Variants in LIMA1 observed in about 807,000 individuals in gnomAD.
LIMA1 encodes the protein LIM domain and actin binding 1.
In LIMA1, 52 loss-of-function variants were observed where a neutral mutation model predicts 62.6. That is an observed-to-expected ratio of 0.83 (90% CI 0.67 to 1.05). The LOEUF is 1.05. Ranked by LOEUF, LIMA1 falls within the 50% of genes least tolerant of loss-of-function variation. The pLI is 0.00. For synonymous variants in LIMA1, 302 were observed against 317.8 expected, an observed-to-expected ratio of 0.95 and a Z score of 0.53; for missense variants, 780 against 902.2, an observed-to-expected ratio of 0.86 and a Z score of 1.74.
rs754126420 is a variant in LIMA1 at position 50,250,563 on chromosome 12, C to CAAA, written c.-23-1792_-23-1790dup. ...CCTGGGTGACAGACCAAGATGTTCT[C>CAAA]AAAAAAAAAAAAAAAAAAAAAAAAA... is the stretch of plus-strand genomic sequence containing the variant. On this transcript the variant is annotated intron_variant, in intron 1 of 10. Coordinates refer to ENST00000341247, the MANE Select transcript of LIMA1 (RefSeq NM_016357.5). Among the ~76,000 whole-genome samples, 109 of 33,830 alleles carry CAAA rather than the reference C, an allele frequency of 3.2e-3. 4 individuals are homozygous for CAAA. Among genetic ancestry groups the CAAA allele is most frequent in the African/African-American group, 7.0e-3 (83 of 11,874 alleles). 22.2% of individuals were successfully genotyped at this position (33,830 alleles called of 152,430 possible). A position where few individuals can be genotyped will look rare whatever the true frequency, so the allele number is the denominator to read the frequency against.
chr12:50,247,029 A>C (rs1332810867), intron 2 of LIMA1, among the ~76,000 whole-genome samples: 1 of 152,162 alleles, frequency 6.6e-6, no homozygotes, highest in Non-Finnish European at 1.5e-5. Flanking sequence ...CCAGCTACTC[A>C]GAAGGCTGAG....
intron 4 of LIMA1, among the ~76,000 whole-genome samples, chr12:50,210,425 A>G (rs1219632748): frequency 1.3e-5 from 2 of 151,504 alleles, no homozygotes; most frequent in African/African-American, 4.9e-5. Context: ...TTCCAAAAAA[A>G]AAAAAAAAAA....
intron 2 of LIMA1, among the ~76,000 whole-genome samples, chr12:50,240,012 A>ATAACC (rs1308698341): frequency 2.2e-5 from 3 of 138,734 alleles, no homozygotes; most frequent in African/African-American, 5.5e-5. Flanking sequence ...ATAACATAAC[A>ATAACC]TAACATAACA....
intron 9 of LIMA1, among the ~76,000 whole-genome samples, chr12:50,190,604 T>C (rs1940739412): frequency 7.0e-6 from 1 of 143,700 alleles, no homozygotes; most frequent in Admixed American, 7.1e-5. Context: ...GGTCTTGAAC[T>C]CCCGACCTCA....
At chr12:50,256,215 C>CTTTTT (rs758813343) in intron 1 of LIMA1, 1 of 149,092 alleles carries the variant, frequency 6.7e-6, no homozygotes, top group Non-Finnish European at 1.5e-5. Flanking sequence ...GTTCTTTAAC[C>CTTTTT]TTTTTTTTTT....
chr12:50,280,153 T>G (rs1942322449), intron 1 of LIMA1, among the ~76,000 whole-genome samples: 1 of 126,040 alleles, frequency 7.9e-6, no homozygotes, highest in African/African-American at 3.3e-5. Flanking sequence ...TATTTTTTTT[T>G]TTTTTTTTTT....
intron 4 of LIMA1, among the ~76,000 whole-genome samples, chr12:50,207,828 T>G (rs1377476873): frequency 4.7e-5 from 7 of 149,066 alleles, no homozygotes; most frequent in Admixed American, 4.1e-4. Context: ...GGGCAGAGGT[T>G]GCAGGGAGCA....
intron 1 of LIMA1, among the ~76,000 whole-genome samples, chr12:50,275,455 A>T (rs1336780855): frequency 6.6e-6 from 1 of 152,214 alleles, no homozygotes; most frequent in Non-Finnish European, 1.5e-5. Flanking sequence ...CATACCTAAA[A>T]GGCTTGTAAT....
Position 50,192,537 on chromosome 12 carries a change from A to C in LIMA1, c.1055T>G (p.Val352Gly), listed in dbSNP as rs747343015. ...DSRDSQVKSE[V>G]QQPVHPKPLS... Reference sequence around the variant, plus strand: ...TGGCTTGGGATGGACAGGCTGTTGAACCTCACTCTTAACCTGGGAGTCACC... The same window carrying C: ...TGGCTTGGGATGGACAGGCTGTTGACCCTCACTCTTAACCTGGGAGTCACC... Residue 352 changes from valine (V) to glycine (G), a missense_variant, in exon 9 of 11, where the codon GTT becomes GGT. Coordinates refer to ENST00000341247, the MANE Select transcript of LIMA1 (RefSeq NM_016357.5). 1.2e-6 allele frequency: 2 copies of C among 1,613,764 alleles called. No homozygotes were observed. The highest frequency in any genetic ancestry group is 1.7e-5 in the Admixed American group (1 of 59,990).
intron 3 of LIMA1, among the ~76,000 whole-genome samples, chr12:50,225,341 A>C (rs1055976364): frequency 6.6e-6 from 1 of 152,160 alleles, no homozygotes; most frequent in African/African-American, 2.4e-5. Flanking sequence ...AGATGCTGTA[A>C]TACATGCCAT....
At chr12:50,204,485 C>G in intron 6 of LIMA1, 67 bp downstream of exon 6, 1 of 1,531,586 alleles carries the variant, frequency 6.5e-7, no homozygotes, top group Middle Eastern at 1.7e-4. Flanking sequence ...TTTCCTAATT[C>G]CAGTACTCAG....
chr12:50,230,416 G>T (rs1346110491), intron 3 of LIMA1, among the ~76,000 whole-genome samples: 1 of 152,144 alleles, frequency 6.6e-6, no homozygotes, highest in Non-Finnish European at 1.5e-5. Flanking sequence ...TCTGTGCTTG[G>T]CATGTAGTAG....
intron 1 of LIMA1, chr12:50,249,559 C>T (rs1445825922): frequency 6.6e-6 from 1 of 152,074 alleles, no homozygotes; most frequent in Non-Finnish European, 1.5e-5. Context: ...ACCCTATTTT[C>T]CAACATCCCT....
intron 4 of LIMA1, among the ~76,000 whole-genome samples, chr12:50,209,012 G>A (rs1447867469): frequency 1.5e-5 from 2 of 129,470 alleles, no homozygotes; most frequent in Non-Finnish European, 3.2e-5. Context: ...TTTTTTTACA[G>A]TAGAGACAGG....
chr12:50,207,844 C>T (rs1334242410), intron 4 of LIMA1, among the ~76,000 whole-genome samples: 2 of 149,770 alleles, frequency 1.3e-5, no homozygotes, highest in Admixed American at 6.7e-5. Flanking sequence ...GAGCAGAGAT[C>T]GCTCCACTGC....
intron 6 of LIMA1, among the ~76,000 whole-genome samples, chr12:50,203,009 T>TTA (rs1941082799): frequency 1.8e-5 from 1 of 56,816 alleles, no homozygotes; most frequent in African/African-American, 9.9e-5. Flanking sequence ...GGTAACTTCC[T>TTA]TTTTTTTTTT....
rs138113031 is a variant in LIMA1, at chr12:50,203,159, G to A, written c.864+1393C>T. On this transcript the variant is annotated intron_variant, in intron 6 of 10. Coordinates refer to ENST00000341247, the MANE Select transcript of LIMA1 (RefSeq NM_016357.5). ...CTAGTAGCTGGGATTACAGGTGTGTGCCACTACACCTGGCTAATTTTTTTT... is the reference window on the plus strand; with the variant it reads ...CTAGTAGCTGGGATTACAGGTGTGTACCACTACACCTGGCTAATTTTTTTT... Among the ~76,000 whole-genome samples, 265 of 151,390 alleles carry A rather than the reference G, an allele frequency of 1.8e-3. 2 individuals carry two copies. The highest frequency in any genetic ancestry group is 6.0e-3 in the African/African-American group (246 of 41,276).
chr12:50,219,093 G>A (rs1164647111), intron 4 of LIMA1, among the ~76,000 whole-genome samples: 1 of 152,116 alleles, frequency 6.6e-6, no homozygotes, highest in African/African-American at 2.4e-5. Flanking sequence ...AGCAGTTGGG[G>A]GATGAGTATT....
intron 4 of LIMA1, among the ~76,000 whole-genome samples, chr12:50,221,000 C>A (rs1941430695): frequency 6.6e-6 from 1 of 152,184 alleles, no homozygotes; most frequent in Non-Finnish European, 1.5e-5. Flanking sequence ...GTGACTGGCA[C>A]TGCAAGTCAT....
Sources: gnomAD v4.1 joint callset for allele counts (sites outside exome capture counted in the v4.1 genomes callset) on GRCh38, gnomAD v4.1.1 for gene constraint, MANE v1.5 for transcripts, NCBI Gene and HGNC (gene_info 2026-07-23, HGNC 2026-07-21) for gene names.